Variants in AGO3 observed in about 807,000 individuals in gnomAD.
The protein encoded by AGO3 is argonaute RISC catalytic component 3, also known as protein argonaute-3.
AGO3 carries 16 observed loss-of-function variants against 105.5 expected under a neutral mutation model. The ratio of observed to expected loss-of-function variants is 0.15; its 90% CI spans 0.10 to 0.23. The LOEUF is 0.23. AGO3 is among the 10% of genes least tolerant of loss of function. The pLI is 1.00. For synonymous variants in AGO3, 340 were observed against 367.3 expected (o/e 0.93, Z 0.85); for missense variants, 534 against 1,088.0 (o/e 0.49, Z 7.16).
At chr1:36,005,059 C>A (rs1640276177) in intron 6 of AGO3, among the ~76,000 whole-genome samples, 1 of 151,944 alleles carries the variant, frequency 6.6e-6, no homozygotes, top group Non-Finnish European at 1.5e-5. Flanking sequence ...CAGATAAATT[C>A]ATCTCTATGT....
Position 35,969,707 on chromosome 1 carries a change from T to C in AGO3, c.313-2317T>C, listed in dbSNP as rs114310635. On this transcript the variant is annotated intron_variant, in intron 3 of 18. Coordinates refer to ENST00000373191, the MANE Select transcript of AGO3 (RefSeq NM_024852.4). ...GTGTCCTTGGGCAATTTTGTCATTG[T>C]GCTATCATCACAGTGTATACTTACG... Among the ~76,000 whole-genome samples the C allele has an allele frequency of 6.5e-3, 997 of 152,282 alleles. 8 individuals are homozygous for C. Among genetic ancestry groups the C allele is most frequent in the African/African-American group, 0.023 (949 of 41,566 alleles).
At chr1:35,944,204 A>G (rs1646314533) in intron 1 of AGO3, among the ~76,000 whole-genome samples, 3 of 152,080 alleles carry the variant, frequency 2.0e-5, no homozygotes, top group African/African-American at 7.2e-5. Context: ...TAGTTCCACC[A>G]ACAGAGGACT....
At chr1:35,990,900 T>C (rs1298274573) in intron 5 of AGO3, among the ~76,000 whole-genome samples, 4 of 152,198 alleles carry the variant, frequency 2.6e-5, no homozygotes, top group Non-Finnish European at 4.4e-5. Flanking sequence ...ATGAGAGTTA[T>C]CAGCTGATTC....
intron 5 of AGO3, among the ~76,000 whole-genome samples, chr1:35,985,343 A>G (rs1241894069): frequency 1.3e-5 from 2 of 152,208 alleles, no homozygotes; most frequent in Admixed American, 6.5e-5. Flanking sequence ...GTCGATATTA[A>G]GATTTATATG....
intron 11 of AGO3, among the ~76,000 whole-genome samples, chr1:36,017,642 T>C (rs1459707068): frequency 6.6e-6 from 1 of 152,154 alleles, no homozygotes; most frequent in Non-Finnish European, 1.5e-5. Context: ...GGCTCACACC[T>C]GTAATCTGCA....
At chr1:36,048,055 A>G (rs1490431435) in intron 17 of AGO3, among the ~76,000 whole-genome samples, 1 of 152,184 alleles carries the variant, frequency 6.6e-6, no homozygotes, top group Non-Finnish European at 1.5e-5. Flanking sequence ...ACAACAGAAA[A>G]GCATCAAGTC....
At chr1:35,945,183 G>C in intron 1 of AGO3, among the ~76,000 whole-genome samples, 1 of 150,818 alleles carries the variant, frequency 6.6e-6, no homozygotes, top group South Asian at 2.1e-4. Flanking sequence ...ATTACATATT[G>C]CTTCTTATTT....
In AGO3 at chr1:36,071,139, A is replaced by G. The variant is rs771941323; in HGVS notation, c.*15394A>G. Reference sequence around the variant, plus strand: ...TTCTGTTATACACAATGCACATACAAACATACACCCCTAAAGCGTAGCTAA... The same window carrying G: ...TTCTGTTATACACAATGCACATACAGACATACACCCCTAAAGCGTAGCTAA... On this transcript the variant is annotated 3_prime_UTR_variant, in exon 19 of 19. Coordinates refer to ENST00000373191, the MANE Select transcript of AGO3 (RefSeq NM_024852.4). 3.3e-5 allele frequency: 5 copies of G among 152,240 alleles called. No homozygotes were observed. The highest frequency in any genetic ancestry group is 6.5e-5 in the Admixed American group (1 of 15,280). The allele number at this position is 152,240 out of a possible 1,614,324, so 9.4% of individuals were successfully genotyped here. A position where few individuals can be genotyped will look rare whatever the true frequency, so the allele number is the denominator to read the frequency against.
intron 13 of AGO3, 89 bp from the exon 14 acceptor site, chr1:36,036,088 T>A: frequency 4.3e-6 from 5 of 1,160,074 alleles, no homozygotes; most frequent in Non-Finnish European, 6.3e-6. Context: ...GTGCTGTCAA[T>A]AACTTGAAGT....
intron 5 of AGO3, among the ~76,000 whole-genome samples, chr1:35,994,042 A>AT (rs759085356): frequency 0.13 from 8,367 of 65,816 alleles, 2,018 homozygotes; most frequent in East Asian, 0.65. Context: ...CTGCGCCCAG[A>AT]TTTTTTTTTT....
chr1:36,004,906 T>A (rs1360113196), intron 6 of AGO3, among the ~76,000 whole-genome samples: 1 of 152,156 alleles, frequency 6.6e-6, no homozygotes, highest in Non-Finnish European at 1.5e-5. Flanking sequence ...TAAAAACGTA[T>A]AAATGTGGGG....
intron 12 of AGO3, among the ~76,000 whole-genome samples, chr1:36,028,532 G>A (rs953518287): frequency 1.3e-5 from 2 of 151,390 alleles, no homozygotes; most frequent in Admixed American, 1.3e-4. Flanking sequence ...TACTGAGAAT[G>A]ATGATTTCCA....
chr1:36,036,475 T>A (rs76445688), intron 14 of AGO3, among the ~76,000 whole-genome samples: 2,308 of 152,336 alleles, frequency 0.015, 47 homozygotes, highest in African/African-American at 0.052. Context: ...ATTATTCAAA[T>A]CTTCTGTATT....
In AGO3 at chr1:35,952,137, TTTCTTTCTTTC is replaced by T. The variant is rs1300790862; in HGVS notation, c.191+6277_191+6287del. On this transcript the variant is annotated intron_variant, in intron 2 of 18. Transcript: ENST00000373191. The stretch of plus-strand genomic sequence containing the variant: ...CTTTCTTTCTTTCTTTCTTTCTTTC[TTTCTTTCTTTC>T]TTTTTTTTTTTTTTTTTTGACAGAG... Among the ~76,000 whole-genome samples the T allele has an allele frequency of 9.1e-3, 945 of 103,994 alleles. 42 individuals carry two copies. Among genetic ancestry groups the T allele is most frequent in the African/African-American group, 0.038 (882 of 23,094 alleles). 68.2% of individuals were successfully genotyped at this position (103,994 alleles called of 152,430 possible). A position where few individuals can be genotyped will look rare whatever the true frequency, so the allele number is the denominator to read the frequency against.
At chr1:35,984,012 T>G (rs1382148843) in intron 5 of AGO3, among the ~76,000 whole-genome samples, 1 of 152,128 alleles carries the variant, frequency 6.6e-6, no homozygotes, top group Non-Finnish European at 1.5e-5. Context: ...GTGGAAAAAC[T>G]CTTTAGGAAT....
At chr1:36,028,902 A>G (rs1313302709) in intron 12 of AGO3, among the ~76,000 whole-genome samples, 1 of 152,134 alleles carries the variant, frequency 6.6e-6, no homozygotes, top group African/African-American at 2.4e-5. Flanking sequence ...GTTGGTCTCA[A>G]ACTCCTGGGC....
chr1:35,930,863 C>T (rs532830469), upstream of AGO3: 7 of 218,534 alleles, frequency 3.2e-5, no homozygotes, highest in South Asian at 7.4e-4. Context: ...GCACCGCCCC[C>T]ACTCGTGCGG....
rs1334866787 is a variant in AGO3 at position 36,058,036 on chromosome 1, A to G, written c.*2291A>G. On this transcript the variant is annotated 3_prime_UTR_variant, in exon 19 of 19. Transcript: ENST00000373191. ...TTGCCTAAATGAGTCCAACTTGAAT[A>G]TTAGAAATAAAGTTGAACTTTTATA... 2 of 152,220 alleles carry G rather than the reference A, an allele frequency of 1.3e-5. No individual in the cohort carries two copies. The highest frequency in any genetic ancestry group is 2.9e-5 in the Non-Finnish European group (2 of 68,036). 9.4% of individuals were successfully genotyped at this position (152,220 alleles called of 1,614,324 possible).
In AGO3 at chr1:35,970,593, G is replaced by A. The variant is rs1005376660; in HGVS notation, c.313-1431G>A. On this transcript the variant is annotated intron_variant, in intron 3 of 18. Coordinates refer to ENST00000373191, the MANE Select transcript of AGO3 (RefSeq NM_024852.4). Reference sequence around the variant, plus strand: ...TAAGACTATTGTCAGTATACATACTGTGTTCAAGAGTTACTTGAATTAGAG... The same window carrying A: ...TAAGACTATTGTCAGTATACATACTATGTTCAAGAGTTACTTGAATTAGAG... Among the ~76,000 whole-genome samples, 6 of 151,924 alleles carry A rather than the reference G, an allele frequency of 3.9e-5. No homozygotes were observed. In the South Asian group the frequency reaches 6.3e-4, roughly 16 times the overall value.
Sources: allele counts gnomAD v4.1 joint callset (sites outside exome capture counted in the v4.1 genomes callset), GRCh38; gene constraint gnomAD v4.1.1; transcripts MANE v1.5; gene names NCBI Gene and HGNC (gene_info 2026-07-23, HGNC 2026-07-21).